TJP3: variants seen among roughly 807,000 people sequenced by gnomAD.
TJP3 encodes tight junction protein ZO-3.
TJP3 carries 85 observed loss-of-function variants against 104.2 expected under a neutral mutation model. The observed-to-expected ratio is 0.82, with a 90% CI of 0.68 to 0.98. The LOEUF is 0.98. Among genes scored for constraint, TJP3 ranks in the 50% least tolerant of loss-of-function variants. The pLI is 0.00. For missense variants in TJP3, 1,367 were observed against 1,322.8 expected (o/e 1.03, Z -0.52); for synonymous variants, 550 against 550.6 (o/e 1.00, Z 0.02).
intron 6 of TJP3, among the ~76,000 whole-genome samples, chr19:3,733,244 C>G (rs1326341941): frequency 4.6e-5 from 7 of 152,050 alleles, no homozygotes; most frequent in African/African-American, 1.7e-4. Context: ...CCATGATGGC[C>G]AGGCTGGTCT....
chr19:3,718,078 T>C (rs764150268), intron 1 of TJP3, among the ~76,000 whole-genome samples: 9 of 150,996 alleles, frequency 6.0e-5, no homozygotes, highest in Non-Finnish European at 1.0e-4. Flanking sequence ...GCCGGGCATG[T>C]GCCTGTAGTC....
chr19:3,742,782 G>A (rs1484341339), intron 14 of TJP3, among the ~76,000 whole-genome samples: 6 of 148,632 alleles, frequency 4.0e-5, no homozygotes, highest in East Asian at 2.1e-4. Flanking sequence ...CCTGGCCAAC[G>A]TGGTGAAACC....
In TJP3 at chr19:3,750,715, CCTT is replaced by C. The variant is rs779856337; in HGVS notation, c.*34_*36del. The C allele has an allele frequency of 3.2e-6, 5 of 1,542,302 alleles. No individual in the cohort carries two copies. In the African/African-American group the frequency reaches 5.4e-5, roughly 17 times the overall value. On this transcript the variant is annotated 3_prime_UTR_variant, in exon 21 of 21. Coordinates refer to ENST00000541714, the MANE Select transcript of TJP3 (RefSeq NM_001267560.2). ...CGAAGGCTGCCAGCTGGTCCGTCCT[CCTT>C]CTCCCTCCCTGGGGCTGGGACTCAG...
intron 19 of TJP3, chr19:3,749,541 T>G (rs1160869917): frequency 6.6e-6 from 1 of 152,432 alleles, no homozygotes; most frequent in African/African-American, 2.4e-5. Context: ...AGATGTGGTC[T>G]TGCTATGTTG....
chr19:3,718,965 C>T (rs1026615972), intron 1 of TJP3, among the ~76,000 whole-genome samples: 2 of 151,770 alleles, frequency 1.3e-5, no homozygotes, highest in Non-Finnish European at 2.9e-5. Flanking sequence ...GGGTGGATCA[C>T]CTGAGGTCAG....
intron 19 of TJP3, chr19:3,749,792 GTACC>G: frequency 2.8e-6 from 1 of 356,682 alleles, no homozygotes; most frequent in South Asian, 4.5e-5. Context: ...GGGTTGTGCA[GTACC>G]CAACCTGCTC....
chr19:3,750,516 C>T lies in TJP3; in HGVS notation c.2658-66C>T, dbSNP rs2036979034. Reference sequence around the variant, plus strand: ...CCACTGTGCCTAGCACAGCCAGCCTCAGTTTATGGTGAGAAAGCTCACACC... The same window carrying T: ...CCACTGTGCCTAGCACAGCCAGCCTTAGTTTATGGTGAGAAAGCTCACACC... On this transcript the variant is annotated intron_variant, in intron 20 of 20. Transcript: ENST00000541714. The T allele has an allele frequency of 2.2e-6, 3 of 1,377,930 alleles. No homozygotes were observed. The East Asian group carries it at 7.4e-5, about 34-fold the overall frequency. 85.4% of individuals were successfully genotyped at this position (1,377,930 alleles called of 1,614,324 possible).
chr19:3,729,781 CAAAA>C (rs35091592), intron 3 of TJP3, among the ~76,000 whole-genome samples: 2 of 120,590 alleles, frequency 1.7e-5, no homozygotes, highest in African/African-American at 6.3e-5. Flanking sequence ...GACTCTGTCT[CAAAA>C]AAAAAAAAAA....
Position 3,746,405 on chromosome 19 carries a change from A to T in TJP3, c.2011-80A>T. On this transcript the variant is annotated intron_variant, in intron 16 of 20. Transcript: ENST00000541714. The surrounding 1 kb of genome is among the most constrained non-coding windows in gnomAD (Gnocchi z 4.1). Reference sequence around the variant, plus strand: ...AGGCTGGGGTCCACTCTGACCTCAGACTCTTCATCTTTCTATCTTTCTCTC... The same window carrying T: ...AGGCTGGGGTCCACTCTGACCTCAGTCTCTTCATCTTTCTATCTTTCTCTC... The T allele has an allele frequency of 4.9e-6, 7 of 1,433,474 alleles. No individual in the cohort carries two copies. Among genetic ancestry groups the T allele is most frequent in the Non-Finnish European group, 6.8e-6 (7 of 1,033,642 alleles). 88.8% of individuals were successfully genotyped at this position (1,433,474 alleles called of 1,614,324 possible).
intron 1 of TJP3, among the ~76,000 whole-genome samples, chr19:3,711,445 C>G (rs555357536): frequency 6.6e-6 from 1 of 151,292 alleles, no homozygotes; most frequent in East Asian, 2.0e-4. Context: ...GTGATTCGCT[C>G]GCCTCGGCCT....
intron 12 of TJP3, 51 bp from the exon 13 acceptor site, chr19:3,738,846 T>A (rs750643759): frequency 6.6e-7 from 1 of 1,510,600 alleles, no homozygotes; most frequent in Non-Finnish European, 9.0e-7. Context: ...TGGGGAGGGC[T>A]CAGATCAGGC....
Position 3,728,420 on chromosome 19 carries a change from C to A in TJP3, c.-9-4C>A. The A allele has an allele frequency of 1.9e-6, 3 of 1,614,190 alleles. No individual in the cohort carries two copies. Among genetic ancestry groups the A allele is most frequent in the Non-Finnish European group, 2.5e-6 (3 of 1,180,032 alleles). ...TGCCCATCTTCCCCGCTCCCCTCGA[C>A]CAGGTGGCTGACATGGAGGAGCTGA... is the stretch of plus-strand genomic sequence containing the variant. On this transcript the variant is annotated splice_region_variant and splice_polypyrimidine_tract_variant and intron_variant, in intron 1 of 20. Coordinates refer to ENST00000541714, the MANE Select transcript of TJP3 (RefSeq NM_001267560.2).
At chr19:3,735,387 C>A (rs566350080) in intron 8 of TJP3, among the ~76,000 whole-genome samples, 179 bp from the exon 9 acceptor site, 1 of 151,744 alleles carries the variant, frequency 6.6e-6, no homozygotes, top group African/African-American at 2.4e-5. Flanking sequence ...TTTGGAGAGA[C>A]GGGGTTTAAC....
chr19:3,729,339 C>T (rs1232154211), intron 3 of TJP3, among the ~76,000 whole-genome samples: 2 of 152,098 alleles, frequency 1.3e-5, no homozygotes, highest in Admixed American at 1.3e-4. Context: ...TGATATGGCT[C>T]AGCCCAGCCC....
In TJP3 at chr19:3,746,581, CG is replaced by C; in HGVS notation, c.2109del (p.Pro704ArgfsTer42). ...PIVVFFIPESRPALKALRQWL... is the reference protein window; with the variant it reads ...PIVVFFIPESXPALKALRQWL... The stretch of plus-strand genomic sequence containing the variant: ...TGTGGTCTTCTTCATCCCCGAGAGC[CG>C]GCCGGCCCTCAAGGCACTGCGCCAG... On this transcript the variant is annotated frameshift_variant, in exon 17 of 21. Transcript: ENST00000541714. LOFTEE classifies it high-confidence loss of function. This position sits in a 1 kb window ranked among gnomAD's most constrained non-coding sequence, Gnocchi z 4.1. 2 of 1,613,982 alleles carry C rather than the reference CG, an allele frequency of 1.2e-6. No individual in the cohort carries two copies. Among genetic ancestry groups the C allele is most frequent in the Non-Finnish European group, 8.5e-7 (1 of 1,180,020 alleles).
chr19:3,746,426 C>G lies in TJP3; in HGVS notation c.2011-59C>G, dbSNP rs1362910335. 2 of 1,564,842 alleles carry G rather than the reference C, an allele frequency of 1.3e-6. No individual in the cohort carries two copies. The highest frequency in any genetic ancestry group is 2.7e-5 in the African/African-American group (2 of 73,808). On this transcript the variant is annotated intron_variant, in intron 16 of 20. Transcript: ENST00000541714. This position sits in a 1 kb window ranked among gnomAD's most constrained non-coding sequence, Gnocchi z 4.1. ...TCAGACTCTTCATCTTTCTATCTTT[C>G]TCTCTCTGTTTACCCTGCTGCAATC...
chr19:3,748,562 C>CCGG (rs1270773559), intron 19 of TJP3, among the ~76,000 whole-genome samples: 1 of 148,572 alleles, frequency 6.7e-6, no homozygotes, highest in Admixed American at 6.7e-5. Context: ...GCCACTGCAC[C>CCGG]CAGGCTTTTT....
At chr19:3,743,709 G>C in intron 14 of TJP3, 1 of 465,830 alleles carries the variant, frequency 2.1e-6, no homozygotes, top group South Asian at 3.3e-5. Context: ...CTTGAAGGCG[G>C]AACCCAGAAA....
chr19:3,743,754 A>G (rs752280679), intron 14 of TJP3, 185 bp from the exon 15 acceptor site: 1 of 569,146 alleles, frequency 1.8e-6, no homozygotes, highest in Non-Finnish European at 3.1e-6. Context: ...TCCATTGGCC[A>G]TTATTTGGTC....
Sources: allele counts gnomAD v4.1 joint callset (sites outside exome capture counted in the v4.1 genomes callset), GRCh38; gene constraint gnomAD v4.1.1; non-coding constraint Gnocchi (gnomAD v3.1); transcripts MANE v1.5; gene names NCBI Gene and HGNC (gene_info 2026-07-23, HGNC 2026-07-21).